The following TRDN variants were observed in gnomAD, a reference collection of about 807,000 sequenced individuals.
TRDN encodes triadin.
A neutral mutation model predicts 149.7 loss-of-function variants in TRDN; 161 were observed. The observed-to-expected ratio is 1.08, with a 90% confidence interval of 0.95 to 1.23. The LOEUF is 1.23. Ranked by LOEUF, TRDN falls within the 50% of genes most tolerant of loss-of-function variation. The probability of loss-of-function intolerance (pLI) is 0.00; values close to 1 mark genes in which losing one functional copy is unlikely to be tolerated. For missense variants in TRDN, 896 were observed against 823.5 expected (o/e 1.09, Z -1.08); for synonymous variants, 294 against 250.5 (o/e 1.17, Z -1.64).
chr6:123,454,673 T>G (rs1239434593), intron 10 of TRDN, among the ~76,000 whole-genome samples: 1 of 152,170 alleles, frequency 6.6e-6, no homozygotes, highest in Non-Finnish European at 1.5e-5. Context: ...AGAGTGCAAA[T>G]GAGCATTACT....
Position 123,566,599 on chromosome 6 carries a change from C to T in TRDN, c.232+4324G>A, listed in dbSNP as rs369924289. On this transcript the variant is annotated intron_variant, in intron 2 of 40. Transcript: ENST00000334268. ...TTCCAGAGAGTAACTGACAGTTGCCCTGACTTTCTGGCCTTCCAAATCATT... is the reference window on the plus strand; with the variant it reads ...TTCCAGAGAGTAACTGACAGTTGCCTTGACTTTCTGGCCTTCCAAATCATT... 1.2e-4 allele frequency among the ~76,000 whole-genome samples: 18 copies of T among 152,284 alleles called. 1 individual carries two copies. Among genetic ancestry groups the T allele is most frequent in the African/African-American group, 4.3e-4 (18 of 41,562 alleles).
chr6:123,421,701 G>C (rs974714404), intron 12 of TRDN: 5 of 150,480 alleles, frequency 3.3e-5, no homozygotes, highest in Non-Finnish European at 7.4e-5. Flanking sequence ...AGGTGCAGTG[G>C]CTCCTACCTA....
intron 4 of TRDN, among the ~76,000 whole-genome samples, chr6:123,537,974 A>G (rs1343123891): frequency 1.3e-5 from 2 of 152,164 alleles, no homozygotes; most frequent in African/African-American, 4.8e-5. Context: ...ATTTTTCTCT[A>G]TTAATATGGC....
intron 29 of TRDN, among the ~76,000 whole-genome samples, chr6:123,271,651 CT>C (rs1562239989): frequency 2.0e-5 from 3 of 151,904 alleles, no homozygotes; most frequent in African/African-American, 7.3e-5. Flanking sequence ...AAGTTGATGC[CT>C]TTGTGGGATG....
chr6:123,412,235 T>G (rs1215819013), intron 12 of TRDN, among the ~76,000 whole-genome samples: 1 of 152,294 alleles, frequency 6.6e-6, no homozygotes, highest in African/African-American at 2.4e-5. Flanking sequence ...AAGTCTATAT[T>G]ATTGGAAAAC....
intron 8 of TRDN, chr6:123,498,271 A>G: frequency 5.1e-6 from 1 of 196,580 alleles, no homozygotes; most frequent in Non-Finnish European, 1.1e-5. Flanking sequence ...AACATATGAA[A>G]TAACAAAGCT....
rs1363489007 is a variant in TRDN at position 123,503,830 on chromosome 6, CCT to C, written c.680_681del (p.Gln227ArgfsTer35). ...KTKKEVKGGK[Q>X]EKVKQTAAKV... is the part of the protein sequence containing the mutation. Reference sequence around the variant, plus strand: ...TTTGCAGCTGTTTGCTTCACTTTCTCCTGTTTTCCACCTTTCACTTCCTTTTT... The same window carrying C: ...TTTGCAGCTGTTTGCTTCACTTTCTCGTTTTCCACCTTTCACTTCCTTTTT... On this transcript the variant is annotated frameshift_variant, in exon 8 of 41. Transcript: ENST00000334268. LOFTEE classifies it high-confidence loss of function. 6 of 1,606,914 alleles carry C rather than the reference CCT, an allele frequency of 3.7e-6. No homozygotes were observed. Among genetic ancestry groups the C allele is most frequent in the Non-Finnish European group, 5.1e-6 (6 of 1,176,002 alleles).
At chr6:123,530,699 C>A in intron 4 of TRDN, 134 bp from the exon 5 acceptor site, 3 of 462,048 alleles carry the variant, frequency 6.5e-6, no homozygotes, top group Non-Finnish European at 9.9e-6. Context: ...TTATTGGAGT[C>A]TAAAAGAGTC....
In TRDN at chr6:123,217,315, C is replaced by G. The variant is rs956686154; in HGVS notation, c.*1286G>C. Reference sequence around the variant, plus strand: ...CAATCCTTGAAAATAAATCACTTGGCTAGTATTGGCTCTGGCTATCTCAGG... The same window carrying G: ...CAATCCTTGAAAATAAATCACTTGGGTAGTATTGGCTCTGGCTATCTCAGG... On this transcript the variant is annotated 3_prime_UTR_variant, in exon 41 of 41. Coordinates refer to ENST00000334268, the MANE Select transcript of TRDN (RefSeq NM_006073.4). 1.3e-5 allele frequency: 2 copies of G among 151,942 alleles called. No homozygotes were observed. The highest frequency in any genetic ancestry group is 2.9e-5 in the Non-Finnish European group (2 of 67,924). 9.4% of individuals were successfully genotyped at this position (151,942 alleles called of 1,614,324 possible). A position where few individuals can be genotyped will look rare whatever the true frequency, so the allele number is the denominator to read the frequency against.
rs377393927 is a variant in TRDN at position 123,548,545 on chromosome 6, C to T, written c.300G>A (p.Thr100=). Residue 100 remains threonine (T), a synonymous_variant, in exon 3 of 41, where the codon ACG becomes ACA. Transcript: ENST00000334268. Reference sequence around the variant, plus strand: ...AAGAAAAGAAGCCATAGATCCAGTCCGTGGTTTCCTCCATAGCATCACGTA... The same window carrying T: ...AAGAAAAGAAGCCATAGATCCAGTCTGTGGTTTCCTCCATAGCATCACGTA... The part of the protein sequence containing the change: ...KLVRDAMEET[T]DWIYGFFSLL... The T allele has an allele frequency of 1.5e-5, 24 of 1,574,866 alleles. No homozygotes were observed. The African/African-American group carries it at 2.2e-4, about 14-fold the overall frequency.
intron 4 of TRDN, among the ~76,000 whole-genome samples, chr6:123,537,717 A>G (rs1780621166): frequency 6.6e-6 from 1 of 152,226 alleles, no homozygotes; most frequent in African/African-American, 2.4e-5. Context: ...GGCCACAGGC[A>G]TTCAAAATGA....
intron 16 of TRDN, among the ~76,000 whole-genome samples, chr6:123,378,964 T>A (rs1212054123): frequency 6.6e-6 from 1 of 152,192 alleles, no homozygotes; most frequent in African/African-American, 2.4e-5. Flanking sequence ...CAAGCACTAA[T>A]TTTACATGAA....
chr6:123,562,241 C>A lies in TRDN; in HGVS notation c.232+8682G>T, dbSNP rs574510684. 3.3e-5 allele frequency among the ~76,000 whole-genome samples: 5 copies of A among 152,320 alleles called. No homozygotes were observed. In the South Asian group the frequency reaches 1.0e-3, roughly 32 times the overall value. On this transcript the variant is annotated intron_variant, in intron 2 of 40. Transcript: ENST00000334268. Reference sequence around the variant, plus strand: ...ATAAAATGGCCGCATCCCTATCTCCCTTCGCTGACTCTCTTTTCAGACTCA... The same window carrying A: ...ATAAAATGGCCGCATCCCTATCTCCATTCGCTGACTCTCTTTTCAGACTCA...
chr6:123,630,100 G>A (rs9490841), intron 1 of TRDN, among the ~76,000 whole-genome samples: 25,301 of 151,904 alleles, frequency 0.17, 4,392 homozygotes, highest in African/African-American at 0.45. Flanking sequence ...CCTGAACTCC[G>A]TAAAGTCGAC....
chr6:123,436,874 G>A (rs1774594095), intron 12 of TRDN, among the ~76,000 whole-genome samples: 1 of 152,124 alleles, frequency 6.6e-6, no homozygotes. Context: ...TAGAAGATCT[G>A]CATTTTAATA....
At chr6:123,568,616 C>A (rs1782408940) in intron 2 of TRDN, among the ~76,000 whole-genome samples, 1 of 152,202 alleles carries the variant, frequency 6.6e-6, no homozygotes, top group Non-Finnish European at 1.5e-5. Context: ...ATGAAAGGCA[C>A]CAAGGCTTAT....
intron 10 of TRDN, among the ~76,000 whole-genome samples, chr6:123,447,141 G>A (rs1775432861): frequency 6.6e-6 from 1 of 151,604 alleles, no homozygotes; most frequent in Admixed American, 6.6e-5. Flanking sequence ...AGTGATAGCT[G>A]AATTATTCTC....
intron 5 of TRDN, among the ~76,000 whole-genome samples, chr6:123,521,857 A>T (rs140881158): frequency 6.6e-6 from 1 of 152,224 alleles, no homozygotes; most frequent in East Asian, 1.9e-4. Context: ...CCTCGAGGAC[A>T]TCTCTGTGAA....
At chr6:123,559,982 C>T in intron 2 of TRDN, among the ~76,000 whole-genome samples, 1 of 152,208 alleles carries the variant, frequency 6.6e-6, no homozygotes, top group East Asian at 1.9e-4. Flanking sequence ...CTGGGCTGTA[C>T]TGCCACAAGG....
Sources: allele counts gnomAD v4.1 joint callset (sites outside exome capture counted in the v4.1 genomes callset), GRCh38; gene constraint gnomAD v4.1.1; transcripts MANE v1.5; gene names NCBI Gene and HGNC (gene_info 2026-07-23, HGNC 2026-07-21).